SLC25A13: variants seen among roughly 807,000 people sequenced by gnomAD.
The protein encoded by SLC25A13 is solute carrier family 25 member 13, also known as electrogenic aspartate/glutamate antiporter SLC25A13, mitochondrial.
A neutral mutation model predicts 85.5 loss-of-function variants in SLC25A13; 70 were observed. The observed-to-expected ratio is 0.82, with a 90% CI of 0.68 to 1.00. The LOEUF is 1.00. SLC25A13 is among the 50% of genes least tolerant of loss of function. SLC25A13 has a pLI of 0.00. For synonymous variants in SLC25A13, 259 were observed against 288.7 expected (o/e 0.90, Z 1.04); for missense variants, 765 against 819.8 (o/e 0.93, Z 0.82).
At position 96,234,661 on chromosome 7, in the gene SLC25A13, T is replaced by C. The variant is rs28369599; in HGVS notation, c.328+141A>G. The C allele has an allele frequency of 4.9e-3, 3,116 of 638,630 alleles. 84 individuals are homozygous for C. In the African/African-American group the frequency reaches 0.05, roughly 10 times the overall value. The allele number at this position is 638,630 out of a possible 1,614,324, so 39.6% of individuals were successfully genotyped here. A position where few individuals can be genotyped will look rare whatever the true frequency, so the allele number is the denominator to read the frequency against. On this transcript the variant is annotated intron_variant, in intron 4 of 17. Transcript: ENST00000265631. ...ATGTTTGAACTGGAGCTCCAAAACATTGAAGTATCTTTACTAAAAGGGATA... is the reference window on the plus strand; with the variant it reads ...ATGTTTGAACTGGAGCTCCAAAACACTGAAGTATCTTTACTAAAAGGGATA...
At chr7:96,158,231 T>C (rs544203755) in intron 13 of SLC25A13, among the ~76,000 whole-genome samples, 3 of 152,292 alleles carry the variant, frequency 2.0e-5, no homozygotes, top group East Asian at 3.9e-4. Flanking sequence ...AAAGAACTCA[T>C]TAGATAAAAA....
intron 12 of SLC25A13, 67 bp from the exon 13 acceptor site, chr7:96,170,192 T>C: frequency 5.1e-6 from 7 of 1,364,228 alleles, no homozygotes; most frequent in Non-Finnish European, 7.3e-6. Context: ...CTTATAAATA[T>C]GCATCTGTCA....
intron 3 of SLC25A13, among the ~76,000 whole-genome samples, chr7:96,253,889 A>T (rs1339749960): frequency 1.3e-5 from 2 of 152,202 alleles, no homozygotes; most frequent in Non-Finnish European, 1.5e-5. Flanking sequence ...AAACTGGAAA[A>T]ATAATTATAA....
intron 3 of SLC25A13, among the ~76,000 whole-genome samples, chr7:96,260,971 C>T (rs950063212): frequency 2.0e-5 from 3 of 152,028 alleles, no homozygotes; most frequent in Non-Finnish European, 4.4e-5. Context: ...ATAACCTGGC[C>T]CTGGGATACA....
At chr7:96,260,722 A>G (rs750145775) in intron 3 of SLC25A13, among the ~76,000 whole-genome samples, 6 of 152,060 alleles carry the variant, frequency 3.9e-5, no homozygotes, top group Non-Finnish European at 7.4e-5. Flanking sequence ...CTAATCCATC[A>G]ATAAAATCCC....
chr7:96,291,515 A>G (rs1263683614), intron 2 of SLC25A13, among the ~76,000 whole-genome samples: 1 of 152,208 alleles, frequency 6.6e-6, no homozygotes, highest in Non-Finnish European at 1.5e-5. Flanking sequence ...GATCAACAAA[A>G]TTGATAGACT....
At chr7:96,211,779 A>G (rs1200083200) in intron 4 of SLC25A13, among the ~76,000 whole-genome samples, 1 of 152,168 alleles carries the variant, frequency 6.6e-6, no homozygotes, top group Non-Finnish European at 1.5e-5. Flanking sequence ...ACTATTCAAC[A>G]GTCATTTCTC....
chr7:96,258,062 G>A (rs769992236), intron 3 of SLC25A13, among the ~76,000 whole-genome samples: 5 of 152,056 alleles, frequency 3.3e-5, no homozygotes, highest in African/African-American at 9.7e-5. Context: ...TTCATGGAAC[G>A]TATCTCAAAA....
At chr7:96,224,570 G>T (rs1287194616) in intron 4 of SLC25A13, among the ~76,000 whole-genome samples, 2 of 152,092 alleles carry the variant, frequency 1.3e-5, no homozygotes, top group Non-Finnish European at 2.9e-5. Flanking sequence ...CATATCAAAA[G>T]ATAAAGCTTT....
chr7:96,288,914 G>A (rs1799000517), intron 2 of SLC25A13, among the ~76,000 whole-genome samples: 1 of 152,166 alleles, frequency 6.6e-6, no homozygotes, highest in African/African-American at 2.4e-5. Context: ...AGAGAGTAGT[G>A]GTTCTCCCAG....
chr7:96,182,949 G>C (rs1274082253), intron 11 of SLC25A13, among the ~76,000 whole-genome samples: 1 of 152,198 alleles, frequency 6.6e-6, no homozygotes, highest in Admixed American at 6.5e-5. Context: ...ATATGGACAG[G>C]TAAGGCGGCC....
intron 3 of SLC25A13, 125 bp from the exon 4 acceptor site, chr7:96,235,042 T>C (rs1796694947): frequency 1.5e-6 from 1 of 659,336 alleles, no homozygotes; most frequent in Non-Finnish European, 2.7e-6. Flanking sequence ...ACTGAAAACA[T>C]TTATAAACAT....
intron 3 of SLC25A13, among the ~76,000 whole-genome samples, chr7:96,274,164 T>A (rs1409528774): frequency 6.6e-6 from 1 of 151,864 alleles, no homozygotes; most frequent in Non-Finnish European, 1.5e-5. Context: ...TCCCTCCCAG[T>A]CATCAAGGCC....
chr7:96,158,941 C>G (rs1358990551), intron 13 of SLC25A13, among the ~76,000 whole-genome samples: 1 of 152,134 alleles, frequency 6.6e-6, no homozygotes, highest in Non-Finnish European at 1.5e-5. Flanking sequence ...TTGTATGTAA[C>G]CAACTATTAT....
intron 13 of SLC25A13, among the ~76,000 whole-genome samples, chr7:96,148,904 T>C (rs1792911150): frequency 6.6e-6 from 1 of 152,214 alleles, no homozygotes; most frequent in South Asian, 2.1e-4. Context: ...AGATGGAGAA[T>C]GTACAGGAGC....
chr7:96,123,859 G>A (rs185883508), intron 15 of SLC25A13, among the ~76,000 whole-genome samples: 90 of 152,322 alleles, frequency 5.9e-4, no homozygotes, highest in African/African-American at 2.1e-3. Context: ...TGGCAGGGAC[G>A]TCTGGTAGAT....
intron 3 of SLC25A13, among the ~76,000 whole-genome samples, chr7:96,245,371 A>G (rs891865388): frequency 6.6e-6 from 1 of 152,124 alleles, no homozygotes; most frequent in Non-Finnish European, 1.5e-5. Flanking sequence ...CCTTCAAGTC[A>G]CAAAAATGCT....
At chr7:96,251,336 G>A (rs1293123759) in intron 3 of SLC25A13, among the ~76,000 whole-genome samples, 2 of 152,174 alleles carry the variant, frequency 1.3e-5, no homozygotes, top group African/African-American at 4.8e-5. Flanking sequence ...GCCACGAGAA[G>A]GGCTTTGGCT....
intron 1 of SLC25A13, among the ~76,000 whole-genome samples, chr7:96,318,187 G>A (rs896601591): frequency 9.2e-5 from 14 of 152,094 alleles, no homozygotes; most frequent in Non-Finnish European, 1.8e-4. Context: ...TCTGTGTTCA[G>A]TTTTACCCCA....
Sources: gnomAD v4.1 joint callset for allele counts (sites outside exome capture counted in the v4.1 genomes callset) on GRCh38, gnomAD v4.1.1 for gene constraint, MANE v1.5 for transcripts, NCBI Gene and HGNC (gene_info 2026-07-23, HGNC 2026-07-21) for gene names.